EPB41L3: variants seen among roughly 807,000 people sequenced by gnomAD.
The protein encoded by EPB41L3 is band 4.1-like protein 3.
Under a neutral mutation model 127.1 loss-of-function variants are expected in EPB41L3, and 57 were observed. The ratio of observed to expected loss-of-function variants is 0.45; its 90% confidence interval spans 0.36 to 0.56. EPB41L3 has a LOEUF of 0.56. Among genes scored for constraint, EPB41L3 ranks in the 20% least tolerant of loss-of-function variants. The pLI, the probability that EPB41L3 is intolerant of heterozygous loss-of-function variation, is 0.00. For synonymous variants in EPB41L3, 572 were observed against 549.5 expected, an observed-to-expected ratio of 1.04 and a Z score of -0.57; for missense variants, 1,273 against 1,372.2, an observed-to-expected ratio of 0.93 and a Z score of 1.14.
chr18:5,570,055 G>A (rs1402235535), intron 3 of EPB41L3: 1 of 152,110 alleles, frequency 6.6e-6, no homozygotes, highest in African/African-American at 2.4e-5. Flanking sequence ...GAGGTCTACA[G>A]GTAAGCAGCA....
chr18:5,403,811 G>C (rs2074922369), intron 16 of EPB41L3, among the ~76,000 whole-genome samples: 1 of 151,900 alleles, frequency 6.6e-6, no homozygotes, highest in Non-Finnish European at 1.5e-5. Flanking sequence ...ATAAAATAGA[G>C]TAATATCAAA....
At chr18:5,606,882 TTCTC>T (rs59299599) in intron 3 of EPB41L3, among the ~76,000 whole-genome samples, 13,871 of 141,458 alleles carry the variant, frequency 0.098, 637 homozygotes, top group Non-Finnish European at 0.12. Context: ...CATGGCGTCA[TTCTC>T]TCTCTCTCTC....
intron 3 of EPB41L3, among the ~76,000 whole-genome samples, chr18:5,589,647 GC>G (rs1206035102): frequency 6.6e-6 from 1 of 152,192 alleles, no homozygotes; most frequent in East Asian, 1.9e-4. Flanking sequence ...CCATACCTAT[GC>G]TTTAATTATC....
At chr18:5,588,451 C>T (rs559048552) in intron 3 of EPB41L3, among the ~76,000 whole-genome samples, 58 of 151,718 alleles carry the variant, frequency 3.8e-4, no homozygotes, top group African/African-American at 1.3e-3. Flanking sequence ...AAACACAATA[C>T]ATATTTAAAA....
chr18:5,474,021 G>A (rs1055782662), intron 3 of EPB41L3, among the ~76,000 whole-genome samples: 1 of 152,094 alleles, frequency 6.6e-6, no homozygotes, highest in Non-Finnish European at 1.5e-5. Context: ...CACGAGGTCA[G>A]GAGATCGAGA....
At chr18:5,403,581 C>A (rs570541229) in intron 16 of EPB41L3, among the ~76,000 whole-genome samples, 10 of 143,254 alleles carry the variant, frequency 7.0e-5, no homozygotes, top group Non-Finnish European at 1.5e-4. Context: ...ACCATTTTGT[C>A]ACTGAGACCA....
upstream of EPB41L3, chr18:5,630,538 A>G (rs951754650): frequency 1.9e-6 from 1 of 516,730 alleles, no homozygotes; most frequent in Non-Finnish European, 3.9e-6. Flanking sequence ...TCCGGGGTCC[A>G]GTCTCGGGCT....
At chr18:5,501,217 A>G (rs942324224) in intron 1 of EPB41L3, among the ~76,000 whole-genome samples, 3 of 152,204 alleles carry the variant, frequency 2.0e-5, no homozygotes, top group Admixed American at 1.3e-4. Context: ...GTTTCTATTT[A>G]ATACTTATAA....
Position 5,398,091 on chromosome 18 carries a change from A to G in EPB41L3, c.2402T>C (p.Leu801Ser). 6.2e-7 allele frequency: 1 copy of G among 1,614,140 alleles called. No individual in the cohort carries two copies. The highest frequency in any genetic ancestry group is 1.1e-5 in the South Asian group (1 of 91,080). Residue 801 changes from leucine to serine, a missense_variant, in exon 17 of 23, where the codon TTA becomes TCA. Coordinates refer to ENST00000341928, the MANE Select transcript of EPB41L3 (RefSeq NM_012307.5). Reference protein sequence around the residue: ...KLMDGSEIFSLLESARKPTEF... With the variant: ...KLMDGSEIFSSLESARKPTEF... Reference sequence around the variant, plus strand: ...TGTTGGTTTTCGCGCAGACTCTAATAAACTGAAGATTTCAGAGCCATCCAT... The same window carrying G: ...TGTTGGTTTTCGCGCAGACTCTAATGAACTGAAGATTTCAGAGCCATCCAT...
At chr18:5,407,292 C>T (rs998527257) in intron 15 of EPB41L3, 12 of 372,966 alleles carry the variant, frequency 3.2e-5, no homozygotes, top group East Asian at 9.7e-5. Flanking sequence ...TATCTAGGAG[C>T]GAATAACAAA....
intron 1 of EPB41L3, among the ~76,000 whole-genome samples, chr18:5,519,143 A>G (rs1282148634): frequency 6.6e-6 from 1 of 152,246 alleles, no homozygotes; most frequent in African/African-American, 2.4e-5. Context: ...CGAGTGAAAC[A>G]ACAACAAATC....
chr18:5,513,310 G>A (rs2092618575), intron 1 of EPB41L3, among the ~76,000 whole-genome samples: 1 of 152,202 alleles, frequency 6.6e-6, no homozygotes, highest in Admixed American at 6.5e-5. Flanking sequence ...CTGAGCTGGA[G>A]AGGACCACAA....
chr18:5,404,644 T>C (rs1363942536), intron 16 of EPB41L3, among the ~76,000 whole-genome samples: 14 of 152,222 alleles, frequency 9.2e-5, no homozygotes, highest in Non-Finnish European at 1.5e-5. Context: ...CTTACTAGTC[T>C]AATAGCCTGG....
intron 1 of EPB41L3, among the ~76,000 whole-genome samples, chr18:5,490,965 G>A (rs1259717648): frequency 1.3e-5 from 2 of 152,170 alleles, no homozygotes; most frequent in Non-Finnish European, 1.5e-5. Context: ...ATCTCAAGGA[G>A]CTCCTAGTCT....
chr18:5,546,335 AGCCT>A (rs1487521118), upstream of EPB41L3, among the ~76,000 whole-genome samples: 1 of 152,142 alleles, frequency 6.6e-6, no homozygotes, highest in African/African-American at 2.4e-5. Flanking sequence ...GTTCAAGACC[AGCCT>A]GGCCAAGATG....
chr18:5,392,412 C>T lies in EPB41L3; in HGVS notation c.*1073G>A, dbSNP rs1022764077. 6.6e-6 allele frequency: 1 copy of T among 152,520 alleles called. No homozygotes were observed. The highest frequency in any genetic ancestry group is 1.5e-5 in the Non-Finnish European group (1 of 68,018). 9.4% of individuals were successfully genotyped at this position (152,520 alleles called of 1,614,324 possible). A position where few individuals can be genotyped will look rare whatever the true frequency, so the allele number is the denominator to read the frequency against. ...TTCAGTGCATTTGCCATTTTTATTT[C>T]GCTATGCAGAAACATACATTCACCA... On this transcript the variant is annotated 3_prime_UTR_variant, in exon 23 of 23. Coordinates refer to ENST00000341928, the MANE Select transcript of EPB41L3 (RefSeq NM_012307.5).
chr18:5,477,839 C>T (rs1481515028), intron 3 of EPB41L3, among the ~76,000 whole-genome samples: 4 of 152,174 alleles, frequency 2.6e-5, no homozygotes, highest in African/African-American at 9.7e-5. Context: ...CCCACCACCC[C>T]TATGTACAGA....
chr18:5,423,407 C>T lies in EPB41L3; in HGVS notation c.1310G>A (p.Arg437His), dbSNP rs781699049. 7 of 1,612,088 alleles carry T rather than the reference C, an allele frequency of 4.3e-6. No individual in the cohort carries two copies. Among genetic ancestry groups the T allele is most frequent in the Admixed American group, 3.3e-5 (2 of 59,942 alleles). The change falls in exon 11 of 23, where the codon CGT (arginine) becomes CAT (histidine). Residue 437 changes from arginine (R) to histidine (H), a missense_variant. Transcript: ENST00000341928. ...APYFERSSSK[R>H]YTMSRSLDGE... ...ATCCAAGCTGCGAGACATGGTATAACGTTTGCTGGATGAGCGTTCAAAGTA... is the reference window on the plus strand; with the variant it reads ...ATCCAAGCTGCGAGACATGGTATAATGTTTGCTGGATGAGCGTTCAAAGTA...
intron 5 of EPB41L3, among the ~76,000 whole-genome samples, chr18:5,441,222 G>A (rs1353646579): frequency 6.6e-6 from 1 of 152,050 alleles, no homozygotes; most frequent in African/African-American, 2.4e-5. Flanking sequence ...TAAGATATTT[G>A]TTAGCTCGGT....
Sources: allele counts gnomAD v4.1 joint callset (sites outside exome capture counted in the v4.1 genomes callset), GRCh38; gene constraint gnomAD v4.1.1; transcripts MANE v1.5; gene names NCBI Gene and HGNC (gene_info 2026-07-23, HGNC 2026-07-21).